Variants in AGBL1 observed in about 807,000 individuals in gnomAD.
The protein encoded by AGBL1 is cytosolic carboxypeptidase 4.
Under a neutral mutation model 118.9 loss-of-function variants are expected in AGBL1, and 130 were observed. That is an observed-to-expected ratio of 1.09 (90% CI 0.95 to 1.26). AGBL1 has a LOEUF of 1.26. AGBL1 is among the 50% of genes most tolerant of loss of function. AGBL1 has a pLI of 0.00. For missense variants in AGBL1, 1,584 were observed against 1,298.1 expected (o/e 1.22, Z -3.38); for synonymous variants, 555 against 478.9 (o/e 1.16, Z -2.08).
intron 19 of AGBL1, among the ~76,000 whole-genome samples, chr15:86,527,649 C>T (rs1421942500): frequency 6.6e-6 from 1 of 152,132 alleles, no homozygotes; most frequent in African/African-American, 2.4e-5. Flanking sequence ...AATTCTGGCT[C>T]TTATGAAAAT....
chr15:86,502,055 G>A (rs899146487), intron 18 of AGBL1, among the ~76,000 whole-genome samples: 3 of 151,518 alleles, frequency 2.0e-5, no homozygotes, highest in Non-Finnish European at 4.4e-5. Flanking sequence ...TTAATATCAA[G>A]TCTTCAAGTT....
intron 22 of AGBL1, among the ~76,000 whole-genome samples, chr15:86,780,161 A>G (rs1343367479): frequency 6.6e-6 from 1 of 151,116 alleles, no homozygotes; most frequent in Non-Finnish European, 1.5e-5. Flanking sequence ...TGTATATAAT[A>G]TGATGTAAGG....
chr15:86,999,189 A>AT (rs35078622), intron 24 of AGBL1, among the ~76,000 whole-genome samples: 9,707 of 149,922 alleles, frequency 0.065, 1,172 homozygotes, highest in African/African-American at 0.23. Context: ...TGAACTCATC[A>AT]TTTTTTTAAT....
intron 22 of AGBL1, among the ~76,000 whole-genome samples, chr15:86,863,660 G>A (rs2079588731): frequency 6.6e-6 from 1 of 152,122 alleles, no homozygotes; most frequent in Non-Finnish European, 1.5e-5. Flanking sequence ...TTTATTAGAT[G>A]GGACTTTCCC....
chr15:86,732,754 A>G (rs1474150393), intron 22 of AGBL1, among the ~76,000 whole-genome samples: 2 of 152,032 alleles, frequency 1.3e-5, no homozygotes, highest in Non-Finnish European at 2.9e-5. Context: ...CCAGGTATGT[A>G]TCTGTCAGTT....
chr15:86,524,262 T>C (rs1212399247), intron 19 of AGBL1, among the ~76,000 whole-genome samples: 2 of 152,178 alleles, frequency 1.3e-5, no homozygotes, highest in Non-Finnish European at 2.9e-5. Flanking sequence ...AAAGCGTGTG[T>C]TGGGGAGCTC....
At chr15:86,857,451 T>C (rs1414088404) in intron 22 of AGBL1, among the ~76,000 whole-genome samples, 1 of 152,200 alleles carries the variant, frequency 6.6e-6, no homozygotes, top group South Asian at 2.1e-4. Flanking sequence ...TTCATCTGTT[T>C]TCACATGGTC....
intron 17 of AGBL1, among the ~76,000 whole-genome samples, chr15:86,304,353 C>T (rs2079803546): frequency 6.6e-6 from 1 of 152,096 alleles, no homozygotes; most frequent in Non-Finnish European, 1.5e-5. Context: ...TGGTTGATTT[C>T]TCCTTGTCAT....
intron 23 of AGBL1, among the ~76,000 whole-genome samples, chr15:86,976,330 C>A (rs945268473): frequency 6.6e-6 from 1 of 151,346 alleles, no homozygotes; most frequent in Non-Finnish European, 1.5e-5. Flanking sequence ...TTTATTACAA[C>A]TTAGAAATAT....
intron 22 of AGBL1, among the ~76,000 whole-genome samples, chr15:86,727,828 A>C (rs1275354659): frequency 6.6e-6 from 1 of 152,204 alleles, no homozygotes; most frequent in Non-Finnish European, 1.5e-5. Context: ...TTTATAAATG[A>C]AAGGACTGAG....
At chr15:86,762,883 G>T (rs2078046237) in intron 22 of AGBL1, among the ~76,000 whole-genome samples, 1 of 152,034 alleles carries the variant, frequency 6.6e-6, no homozygotes, top group Non-Finnish European at 1.5e-5. Context: ...TCCAAGAGAA[G>T]TGTGGAAGTG....
intron 21 of AGBL1, among the ~76,000 whole-genome samples, chr15:86,625,364 CGTTTTTTTTTTTTTGTTTTTGTTTTT>C (rs1400774560): frequency 2.9e-5 from 2 of 68,260 alleles, no homozygotes; most frequent in African/African-American, 1.0e-4. Context: ...AAGAAATTAG[CGTTTTTTTTTTTTTGTTTTTGTTTTT>C]TTTTTTTTTT....
intron 18 of AGBL1, among the ~76,000 whole-genome samples, chr15:86,497,659 T>C (rs1006576761): frequency 2.0e-5 from 3 of 152,046 alleles, no homozygotes; most frequent in Admixed American, 2.0e-4. Flanking sequence ...GGAGGGGATA[T>C]TGCTTAGTCA....
chr15:86,404,101 G>C (rs183258428), intron 18 of AGBL1, among the ~76,000 whole-genome samples: 1 of 152,250 alleles, frequency 6.6e-6, no homozygotes, highest in Non-Finnish European at 1.5e-5. Context: ...GATATAAATA[G>C]AGTCTTAGCC....
intron 5 of AGBL1, among the ~76,000 whole-genome samples, chr15:86,170,885 C>CA (rs34169705): frequency 0.019 from 2,585 of 137,118 alleles, 37 homozygotes; most frequent in African/African-American, 0.043. Flanking sequence ...AAACCAATGA[C>CA]AAAAAAAAAA....
At chr15:86,746,093 C>G (rs1011585339) in intron 22 of AGBL1, among the ~76,000 whole-genome samples, 1 of 152,064 alleles carries the variant, frequency 6.6e-6, no homozygotes, top group Non-Finnish European at 1.5e-5. Flanking sequence ...AGGGCCTCCC[C>G]TCTGCCTCTT....
chr15:86,389,712 C>G (rs756794536), intron 17 of AGBL1, among the ~76,000 whole-genome samples: 2 of 151,666 alleles, frequency 1.3e-5, no homozygotes, highest in African/African-American at 4.8e-5. Flanking sequence ...TTATATTATA[C>G]TATAATAAAT....
chr15:86,326,028 T>C (rs2080178087), intron 17 of AGBL1, among the ~76,000 whole-genome samples: 1 of 152,198 alleles, frequency 6.6e-6, no homozygotes. Context: ...TAATAGACAA[T>C]AAATAACTTT....
rs142295847 is a variant in AGBL1 at position 86,538,444 on chromosome 15, C to T, written c.2686-7558C>T. On this transcript the variant is annotated intron_variant, in intron 19 of 22. Transcript: ENST00000614907. ...AAAAAGACTAGGAAATGTGGTCTTG[C>T]AAATTGGCCTCTTGGAAGGTAGCTG... Among the ~76,000 whole-genome samples the T allele has an allele frequency of 2.7e-3, 417 of 152,264 alleles. 4 individuals carry two copies. The highest frequency in any genetic ancestry group is 7.5e-3 in the African/African-American group (313 of 41,550).
Sources: allele counts gnomAD v4.1 joint callset (sites outside exome capture counted in the v4.1 genomes callset), GRCh38; gene constraint gnomAD v4.1.1; transcripts MANE v1.5; gene names NCBI Gene and HGNC (gene_info 2026-07-23, HGNC 2026-07-21).